Variants in SNAPC4 observed in about 807,000 individuals in gnomAD.
SNAPC4 encodes the protein snRNA-activating protein complex subunit 4.
A neutral mutation model predicts 151.3 loss-of-function variants in SNAPC4; 127 were observed. That is an observed-to-expected ratio of 0.84 (90% confidence interval 0.73 to 0.97). The LOEUF is 0.97. Among genes scored for constraint, SNAPC4 ranks in the 50% least tolerant of loss-of-function variants. SNAPC4 has a pLI of 0.00. For synonymous variants in SNAPC4, 1,002 were observed against 824.4 expected (o/e 1.22, Z -3.69); for missense variants, 2,186 against 1,935.0 (o/e 1.13, Z -2.43).
In SNAPC4 at chr9:136,378,226, G is replaced by C. The variant is rs1267811888; in HGVS notation, c.3601C>G (p.Pro1201Ala). 6.2e-7 allele frequency: 1 copy of C among 1,611,502 alleles called. No individual in the cohort carries two copies. The highest frequency in any genetic ancestry group is 8.5e-7 in the Non-Finnish European group (1 of 1,179,532). The change falls in exon 22 of 24, where the codon CCT becomes GCT. Residue 1201 changes from proline to alanine, a missense_variant. Pro to Ala is a conservative substitution (Grantham distance 27). Transcript: ENST00000684778. ...SHADPPEAEPPWSGRLPAFGG... is the reference protein window; with the variant it reads ...SHADPPEAEPAWSGRLPAFGG... Reference sequence around the variant, plus strand: ...AAGGCTGGCAGCCTCCCGGACCAAGGGGGTTCTGCTTCAGGAGGGTCAGCG... The same window carrying C: ...AAGGCTGGCAGCCTCCCGGACCAAGCGGGTTCTGCTTCAGGAGGGTCAGCG...
intron 22 of SNAPC4, among the ~76,000 whole-genome samples, chr9:136,377,265 G>C (rs1833481991): frequency 6.6e-6 from 1 of 152,178 alleles, no homozygotes; most frequent in East Asian, 1.9e-4. Flanking sequence ...CTCAGACAAG[G>C]CCACCTGGCT....
At chr9:136,393,529 T>G (rs1319979394) in intron 7 of SNAPC4, among the ~76,000 whole-genome samples, 1 of 152,226 alleles carries the variant, frequency 6.6e-6, no homozygotes, top group Non-Finnish European at 1.5e-5. Context: ...GTGCTGTGCC[T>G]TCTTTGGTCA....
At chr9:136,398,088 T>A (rs938337148) in intron 2 of SNAPC4, among the ~76,000 whole-genome samples, 2 of 152,014 alleles carry the variant, frequency 1.3e-5, no homozygotes, top group Non-Finnish European at 2.9e-5. Context: ...TATTATTATT[T>A]TTAGAGACAG....
Position 136,383,997 on chromosome 9 carries a change from G to C in SNAPC4, c.1456C>G (p.Arg486Gly). The C allele has an allele frequency of 6.2e-7, 1 of 1,613,770 alleles. No homozygotes were observed. The highest frequency in any genetic ancestry group is 8.5e-7 in the Non-Finnish European group (1 of 1,179,942). ...TTGCTCAGACACTGGGAGCCAGACC[G>C]ATGGGGCAGCTCAGAAGCTATTTTT... ...WAKIASELPH[R>G]SGSQCLSKWK... Residue 486 changes from arginine to glycine, a missense_variant, in exon 15 of 24, where the codon CGG (arginine) becomes GGG (glycine). Transcript: ENST00000684778. The surrounding 1 kb of genome is among the most constrained non-coding windows in gnomAD (Gnocchi z 4.2).
chr9:136,390,979 T>C (rs1343632366), intron 10 of SNAPC4, among the ~76,000 whole-genome samples: 2 of 151,906 alleles, frequency 1.3e-5, no homozygotes, highest in Non-Finnish European at 2.9e-5. Flanking sequence ...GGACTACAGA[T>C]GCCCGCCACC....
rs923952238 is a variant in SNAPC4 at position 136,378,002 on chromosome 9, G to A, written c.3825C>T (p.Ser1275=). ...EKGALDLGLL[S]QEGEAATQQW... is the part of the protein sequence containing the mutation. ...GCTGTGTGGCCGCCTCGCCCTCCTG[G>A]GACAGCAGGCCCAGGTCCAGGGCCC... The change falls in exon 22 of 24, where the codon TCC becomes TCT. Residue 1275 remains serine (S), a synonymous_variant. Coordinates refer to ENST00000684778, the MANE Select transcript of SNAPC4 (RefSeq NM_003086.4). The A allele has an allele frequency of 6.2e-7, 1 of 1,600,942 alleles. No individual in the cohort carries two copies. Among genetic ancestry groups the A allele is most frequent in the Non-Finnish European group, 8.5e-7 (1 of 1,174,668 alleles).
Position 136,380,836 on chromosome 9 carries a change from A to G in SNAPC4, c.2403T>C (p.Asp801=). The change falls in exon 20 of 24, where the codon GAT becomes GAC. Residue 801 remains aspartate (D), a synonymous_variant. Transcript: ENST00000684778. ...GGACGACCTCCAAGCAGCCGGCAGT[A>G]TCGATGTGGAACAGCTGCGGGACAC... ...FTLFTQLFHI[D]TAGCLEVVRE... 6.2e-7 allele frequency: 1 copy of G among 1,604,192 alleles called. No individual in the cohort carries two copies.
intron 5 of SNAPC4, 123 bp downstream of exon 5, chr9:136,395,175 G>A: frequency 7.9e-7 from 1 of 1,259,348 alleles, no homozygotes; most frequent in Non-Finnish European, 1.1e-6. Context: ...CAGTTTGAAG[G>A]AGGTTGGCCA....
rs191443510 is a variant in SNAPC4 at position 136,385,914 on chromosome 9, G to A, written c.1326-1100C>T. ...TGAAAATTTTATTTTCCACTCATCTGCTGATGAATGCTTGGGCTGCTTCCG... is the reference window on the plus strand; with the variant it reads ...TGAAAATTTTATTTTCCACTCATCTACTGATGAATGCTTGGGCTGCTTCCG... On this transcript the variant is annotated intron_variant, in intron 13 of 23. Coordinates refer to ENST00000684778, the MANE Select transcript of SNAPC4 (RefSeq NM_003086.4). Among the ~76,000 whole-genome samples, 24 of 152,124 alleles carry A rather than the reference G, an allele frequency of 1.6e-4. No individual in the cohort carries two copies. The East Asian group carries it at 3.3e-3, about 21-fold the overall frequency.
At chr9:136,399,481 G>C (rs1457631346) in intron 1 of SNAPC4, among the ~76,000 whole-genome samples, 1 of 152,214 alleles carries the variant, frequency 6.6e-6, no homozygotes, top group Non-Finnish European at 1.5e-5. Flanking sequence ...AGCCTCACAC[G>C]AGGCTGCTGC....
chr9:136,392,138 C>T (rs779101391), intron 9 of SNAPC4, 32 bp from the exon 10 acceptor site: 1 of 1,608,788 alleles, frequency 6.2e-7, no homozygotes, highest in Non-Finnish European at 8.5e-7. Flanking sequence ...GCCTTGCAGG[C>T]CACTGACCCC....
In SNAPC4 at chr9:136,385,040, G is replaced by A. The variant is rs545914507; in HGVS notation, c.1326-226C>T. ...CTGGGAGAGAACGTTTGCAAGTCAC[G>A]TGTCCGATAAAGGACTTATATCTGA... On this transcript the variant is annotated intron_variant, in intron 13 of 23. Transcript: ENST00000684778. Among the ~76,000 whole-genome samples the A allele has an allele frequency of 7.2e-5, 11 of 152,324 alleles. No individual in the cohort carries two copies. In the South Asian group the frequency reaches 1.7e-3, roughly 23 times the overall value.
intron 3 of SNAPC4, among the ~76,000 whole-genome samples, chr9:136,396,312 A>G (rs1440037438): frequency 6.6e-6 from 1 of 152,256 alleles, no homozygotes; most frequent in Non-Finnish European, 1.5e-5. Flanking sequence ...CTTTGCAGAA[A>G]AAGGAAGCAG....
In SNAPC4 at chr9:136,385,886, G is replaced by A. The variant is rs375450717; in HGVS notation, c.1326-1072C>T. Among the ~76,000 whole-genome samples, 2 of 151,994 alleles carry A rather than the reference G, an allele frequency of 1.3e-5. 1 individual carries two copies. The highest frequency in any genetic ancestry group is 2.9e-5 in the Non-Finnish European group (2 of 68,006). ...TTTTAAGGCCGAATAATATTCCCTT[G>A]TATGAAAATTTTATTTTCCACTCAT... On this transcript the variant is annotated intron_variant, in intron 13 of 23. Coordinates refer to ENST00000684778, the MANE Select transcript of SNAPC4 (RefSeq NM_003086.4).
intron 9 of SNAPC4, 28 bp downstream of exon 9, chr9:136,392,494 T>C (rs747347214): frequency 2.6e-5 from 42 of 1,608,482 alleles, no homozygotes; most frequent in Non-Finnish European, 3.3e-5. Context: ...TCCAAGCTGC[T>C]TGGGGCTCAG....
Position 136,394,818 on chromosome 9 carries a change from C to T in SNAPC4, c.532G>A (p.Glu178Lys), listed in dbSNP as rs565463304. 2 of 1,613,910 alleles carry T rather than the reference C, an allele frequency of 1.2e-6. No homozygotes were observed. The highest frequency in any genetic ancestry group is 4.5e-5 in the East Asian group (2 of 44,888). The change falls in exon 6 of 24, where the codon GAG becomes AAG. Residue 178 changes from glutamate to lysine, a missense_variant. Glu to Lys is a moderately conservative substitution (Grantham distance 56). Transcript: ENST00000684778. ...CTCTTACATTTGGTCACAAGGAGCT[C>T]CTCGAAAGCCTTGATCCCCTGGGCA... ...KAAQGIKAFE[E>K]LLVTKWKNWE...
At position 136,379,036 on chromosome 9, in the gene SNAPC4, G is replaced by T. The variant is rs764489613; in HGVS notation, c.2791C>A (p.Pro931Thr). The T allele has an allele frequency of 6.3e-7, 1 of 1,597,796 alleles. No individual in the cohort carries two copies. Reference protein sequence around the residue: ...LLVSSSVILQPPLPHTPHGRP... With the variant: ...LLVSSSVILQTPLPHTPHGRP... ...CCGTGTGGGGTGTGTGGTAGAGGGG[G>T]CTGGAGGATCACAGACGAGGAGACC... The change falls in exon 22 of 24, where the codon CCC becomes ACC. Residue 931 changes from proline to threonine, a missense_variant. Coordinates refer to ENST00000684778, the MANE Select transcript of SNAPC4 (RefSeq NM_003086.4).
chr9:136,395,545 T>A, intron 4 of SNAPC4, 58 bp downstream of exon 4: 1 of 1,563,456 alleles, frequency 6.4e-7, no homozygotes, highest in Non-Finnish European at 8.7e-7. Context: ...GAGGCCCAGC[T>A]GTGGGGGGCT....
chr9:136,382,161 C>T, intron 17 of SNAPC4, 88 bp from the exon 18 acceptor site: 1 of 1,578,374 alleles, frequency 6.3e-7, no homozygotes, highest in Non-Finnish European at 8.6e-7. Context: ...GCCCTCCACC[C>T]CCATCAGGGC....
Sources: allele counts gnomAD v4.1 joint callset (sites outside exome capture counted in the v4.1 genomes callset), GRCh38; gene constraint gnomAD v4.1.1; non-coding constraint Gnocchi (gnomAD v3.1); transcripts MANE v1.5; gene names NCBI Gene and HGNC (gene_info 2026-07-23, HGNC 2026-07-21).